The following WDR1 variants were observed in gnomAD, a reference collection of about 807,000 sequenced individuals.
WDR1 encodes the protein WD repeat-containing protein 1.
In WDR1, 21 loss-of-function variants were observed where a neutral mutation model predicts 71.9. The ratio of observed to expected loss-of-function variants is 0.29; its 90% CI spans 0.21 to 0.42. The LOEUF is 0.42. WDR1 is among the 10% of genes least tolerant of loss of function. The probability of loss-of-function intolerance (pLI) is 1.00; values close to 1 mark genes in which losing one functional copy is unlikely to be tolerated. For synonymous variants in WDR1, 424 were observed against 347.4 expected (o/e 1.22, Z -2.45); for missense variants, 696 against 824.5 (o/e 0.84, Z 1.91).
At chr4:10,100,882 GCACACATGTC>G (rs1232397215) in intron 3 of WDR1, among the ~76,000 whole-genome samples, 10 of 152,202 alleles carry the variant, frequency 6.6e-5, no homozygotes, top group Admixed American at 1.3e-4. Context: ...ATCCACACAT[GCACACATGTC>G]CACACATGCA....
intron 2 of WDR1, 118 bp from the exon 3 acceptor site, chr4:10,104,104 C>G (rs1027965378): frequency 2.9e-5 from 32 of 1,119,460 alleles, no homozygotes; most frequent in Non-Finnish European, 3.7e-5. Context: ...AAGCTAAAAC[C>G]GTGAAGAAAA....
intron 2 of WDR1, among the ~76,000 whole-genome samples, chr4:10,111,558 C>A (rs1225562931): frequency 2.0e-5 from 3 of 152,204 alleles, no homozygotes; most frequent in Non-Finnish European, 4.4e-5. Context: ...CACTCCCACC[C>A]AGGACAGTGA....
intron 10 of WDR1, among the ~76,000 whole-genome samples, 188 bp from the exon 11 acceptor site, chr4:10,081,632 T>C (rs1578417826): frequency 8.5e-6 from 1 of 117,718 alleles, no homozygotes; most frequent in East Asian, 2.9e-4. Flanking sequence ...TGCAAAGAGA[T>C]TATAAGTCAT....
At chr4:10,103,650 G>A (rs575184950) in intron 3 of WDR1, among the ~76,000 whole-genome samples, 7 of 152,318 alleles carry the variant, frequency 4.6e-5, no homozygotes, top group Admixed American at 2.0e-4. Context: ...GGCTGCATTC[G>A]AAGCCATCCG....
intron 5 of WDR1, 93 bp from the exon 6 acceptor site, chr4:10,088,834 C>T (rs1362603283): frequency 7.0e-6 from 7 of 998,786 alleles, no homozygotes; most frequent in Non-Finnish European, 1.1e-5. Context: ...GCAGCTCCAG[C>T]TGTTCATCAG....
At chr4:10,095,102 T>A (rs1272192971) in intron 5 of WDR1, among the ~76,000 whole-genome samples, 1 of 152,178 alleles carries the variant, frequency 6.6e-6, no homozygotes, top group African/African-American at 2.4e-5. Flanking sequence ...AAGGCGCAGA[T>A]GAAGACAGGC....
At chr4:10,103,139 A>T (rs1057025942) in intron 3 of WDR1, among the ~76,000 whole-genome samples, 2 of 152,202 alleles carry the variant, frequency 1.3e-5, no homozygotes, top group African/African-American at 4.8e-5. Context: ...ACAAAAGCCC[A>T]GGCTGCAGAG....
chr4:10,100,986 C>T (rs1282533582), intron 3 of WDR1, among the ~76,000 whole-genome samples: 1 of 152,258 alleles, frequency 6.6e-6, no homozygotes, highest in African/African-American at 2.4e-5. Flanking sequence ...CAGGACAAGG[C>T]AGAGGGCGTC....
In WDR1 at chr4:10,103,952, G is replaced by C; in HGVS notation, c.173C>G (p.Ala58Gly). Residue 58 changes from alanine (A) to glycine (G), a missense_variant, in exon 3 of 15, where the codon GCC (alanine) becomes GGC (glycine). Ala to Gly is a moderately conservative substitution (Grantham distance 60). Transcript: ENST00000499869. ...ATACTTGGCCACCACCACCTGATGG[G>C]CGTGCTCTGTGTAGATGTCAGCAAG... ...PALADIYTEH[A>G]HQVVVAKYAP... 6.2e-7 allele frequency: 1 copy of C among 1,603,164 alleles called. No individual in the cohort carries two copies. The highest frequency in any genetic ancestry group is 8.5e-7 in the Non-Finnish European group (1 of 1,175,156).
At chr4:10,100,575 C>G (rs1000645450) in intron 3 of WDR1, among the ~76,000 whole-genome samples, 1 of 152,232 alleles carries the variant, frequency 6.6e-6, no homozygotes, top group African/African-American at 2.4e-5. Context: ...CTGTCCTGCT[C>G]TCAGTCCAGC....
chr4:10,090,481 C>T (rs113610342), intron 5 of WDR1, among the ~76,000 whole-genome samples: 1 of 152,206 alleles, frequency 6.6e-6, no homozygotes, highest in Non-Finnish European at 1.5e-5. Context: ...AGAGGCCACT[C>T]CCCGCCCCAG....
intron 12 of WDR1, chr4:10,078,639 G>A (rs1764888600): frequency 7.0e-6 from 3 of 427,396 alleles, no homozygotes; most frequent in Non-Finnish European, 4.2e-6. Context: ...CTACCTCACT[G>A]TCCACAGTCT....
At chr4:10,103,369 G>T (rs1712823191) in intron 3 of WDR1, among the ~76,000 whole-genome samples, 2 of 151,786 alleles carry the variant, frequency 1.3e-5, no homozygotes, top group East Asian at 3.9e-4. Context: ...TCCCGCAAAA[G>T]GTCCCTGGCC....
At chr4:10,115,232 G>A (rs1482139404) in intron 2 of WDR1, among the ~76,000 whole-genome samples, 2 of 152,246 alleles carry the variant, frequency 1.3e-5, no homozygotes, top group Non-Finnish European at 2.9e-5. Context: ...TCAGGCTGAG[G>A]AAGGGAAAAG....
chr4:10,096,148 C>T (rs946003981), intron 5 of WDR1: 2 of 152,276 alleles, frequency 1.3e-5, no homozygotes, highest in African/African-American at 2.4e-5. Context: ...GTGCCCCTGA[C>T]CCTGCTGAGC....
chr4:10,099,168 G>A (rs1421583226), intron 3 of WDR1, 29 bp from the exon 4 acceptor site: 8 of 1,313,452 alleles, frequency 6.1e-6, no homozygotes, highest in Non-Finnish European at 8.5e-6. Flanking sequence ...GGGGGAGGGG[G>A]GGAGGCGGTG....
intron 2 of WDR1, among the ~76,000 whole-genome samples, chr4:10,104,679 C>A (rs1287382832): frequency 2.0e-5 from 3 of 152,198 alleles, no homozygotes; most frequent in African/African-American, 7.2e-5. Context: ...GGCATACACA[C>A]ACACGCAGGG....
At chr4:10,077,208 A>C (rs1390716049) in intron 14 of WDR1, 96 bp downstream of exon 14, 1 of 1,491,364 alleles carries the variant, frequency 6.7e-7, no homozygotes, top group African/African-American at 1.4e-5. Flanking sequence ...GAGGCTACTT[A>C]GCCCTGGGGA....
chr4:10,083,331 G>A (rs1765087966), intron 9 of WDR1, among the ~76,000 whole-genome samples, 153 bp from the exon 10 acceptor site: 1 of 152,216 alleles, frequency 6.6e-6, no homozygotes, highest in South Asian at 2.1e-4. Context: ...AGTGTCCACT[G>A]TTGACACGTT....
Sources: gnomAD v4.1 joint callset for allele counts (sites outside exome capture counted in the v4.1 genomes callset) on GRCh38, gnomAD v4.1.1 for gene constraint, MANE v1.5 for transcripts, NCBI Gene and HGNC (gene_info 2026-07-23, HGNC 2026-07-21) for gene names.